RRN3: variants seen among roughly 807,000 people sequenced by gnomAD.
RRN3 encodes the protein RNA polymerase I transcription factor RRN3, also known as RNA polymerase I-specific transcription initiation factor RRN3.
A neutral mutation model predicts 82.3 loss-of-function variants in RRN3; 38 were observed. That is an observed-to-expected ratio of 0.46 (90% CI 0.36 to 0.61). The LOEUF (loss-of-function observed/expected upper bound fraction) is 0.61. RRN3 is among the 20% of genes least tolerant of loss of function. The probability of loss-of-function intolerance (pLI) is 0.00; values close to 1 mark genes in which losing one functional copy is unlikely to be tolerated. For missense variants in RRN3, 726 were observed against 793.1 expected, an observed-to-expected ratio of 0.92 and a Z score of 1.02; for synonymous variants, 284 against 284.3, an observed-to-expected ratio of 1.00 and a Z score of 0.01.
chr16:15,078,787 A>C, intron 9 of RRN3, among the ~76,000 whole-genome samples: 1 of 149,462 alleles, frequency 6.7e-6, no homozygotes, highest in African/African-American at 2.5e-5. Flanking sequence ...CTACTCTTCC[A>C]ACTGCCTCCT....
intron 8 of RRN3, among the ~76,000 whole-genome samples, chr16:15,082,318 ATGTGGTTTT>A (rs1317466126): frequency 6.6e-6 from 1 of 152,034 alleles, no homozygotes; most frequent in East Asian, 1.9e-4. Context: ...TGAGATGATT[ATGTGGTTTT>A]TGTCCTTTGT....
chr16:15,084,742 CA>C (rs1199342653), intron 6 of RRN3, 37 bp from the exon 7 acceptor site: 2 of 1,479,924 alleles, frequency 1.4e-6, no homozygotes, highest in Non-Finnish European at 1.9e-6. Context: ...AGCATCAAAA[CA>C]AAACTGAAGG....
In RRN3 at chr16:15,061,638, G is replaced by A. The variant is rs931593800; in HGVS notation, c.*106C>T. ...AGTGCCACAGCCGAGGCAGGCACTC[G>A]CTCTAGTTCAATGCCATCAATGCCC... On this transcript the variant is annotated 3_prime_UTR_variant, in exon 18 of 18. Coordinates refer to ENST00000198767, the MANE Select transcript of RRN3 (RefSeq NM_018427.5). The A allele has an allele frequency of 1.4e-5, 15 of 1,043,260 alleles. No homozygotes were observed. The highest frequency in any genetic ancestry group is 7.4e-5 in the East Asian group (3 of 40,448). 64.6% of individuals were successfully genotyped at this position (1,043,260 alleles called of 1,614,324 possible).
chr16:15,075,335 G>A (rs2045408321), intron 10 of RRN3, among the ~76,000 whole-genome samples: 1 of 151,538 alleles, frequency 6.6e-6, no homozygotes, highest in South Asian at 2.1e-4. Context: ...CACTTTGGGA[G>A]GCCAAGGCAG....
At chr16:15,065,968 G>A (rs1289782499) in intron 15 of RRN3, among the ~76,000 whole-genome samples, 1 of 152,364 alleles carries the variant, frequency 6.6e-6, no homozygotes, top group East Asian at 1.9e-4. Flanking sequence ...ATAAAATAAA[G>A]ACAATTATGT....
intron 9 of RRN3, among the ~76,000 whole-genome samples, chr16:15,077,371 T>TC (rs1396396097): frequency 1.3e-5 from 2 of 152,062 alleles, no homozygotes; most frequent in Admixed American, 1.3e-4. Flanking sequence ...AGGGTAGGTT[T>TC]CCCCCATACT....
Position 15,060,508 on chromosome 16 carries a change from TTAAA to T in RRN3, c.*1232_*1235del, listed in dbSNP as rs1267840291. On this transcript the variant is annotated 3_prime_UTR_variant, in exon 18 of 18. Transcript: ENST00000198767. ...ATGATCAAGAAAATATTGCTTGCCTTTAAATAAAGTGGCAGAAAATAAATATGCT... is the reference window on the plus strand; with the variant it reads ...ATGATCAAGAAAATATTGCTTGCCTTTAAAGTGGCAGAAAATAAATATGCT... The T allele has an allele frequency of 1.3e-5, 2 of 154,136 alleles. No homozygotes were observed. The highest frequency in any genetic ancestry group is 4.8e-5 in the African/African-American group (2 of 41,472). The allele number at this position is 154,136 out of a possible 1,614,324, so 9.5% of individuals were successfully genotyped here.
In RRN3 at chr16:15,092,537, A is replaced by G. The variant is rs2046176453; in HGVS notation, c.167T>C (p.Val56Ala). Reference protein sequence around the residue: ...PRKTVRFGGTVTEVLLKYKKG... With the variant: ...PRKTVRFGGTATEVLLKYKKG... ...TTTGTACTTCAGCAAGACTTCTGTC[A>G]CAGTTCCACCAAACCGAACAGTTTT... The change falls in exon 2 of 18, where the codon GTG (valine) becomes GCG (alanine). Residue 56 changes from valine to alanine, a missense_variant. By Grantham distance (64) the Val-to-Ala change is moderately conservative. This residue lies in a region of RRN3 where 135 missense variants were observed against 87.4 expected (regional missense o/e 1.55). Coordinates refer to ENST00000198767, the MANE Select transcript of RRN3 (RefSeq NM_018427.5). 6.2e-7 allele frequency: 1 copy of G among 1,613,192 alleles called. No individual in the cohort carries two copies. The highest frequency in any genetic ancestry group is 2.2e-5 in the East Asian group (1 of 44,868).
In RRN3 at chr16:15,080,073, T is replaced by C. The variant is rs1416665104; in HGVS notation, c.690A>G (p.Leu230=). The C allele has an allele frequency of 6.2e-7, 1 of 1,600,608 alleles. No homozygotes were observed. Reference sequence around the variant, plus strand: ...AGGTTGGAAAATATACACTAATCCTTAGTAAGTTATGAACGTAACATTCCT... The same window carrying C: ...AGGTTGGAAAATATACACTAATCCTCAGTAAGTTATGAACGTAACATTCCT... The part of the protein sequence containing the change: ...RTLECYVHNL[L]RISVYFPTLR... The change falls in exon 9 of 18, where the codon CTA becomes CTG. Residue 230 remains leucine, a synonymous_variant. Transcript: ENST00000198767.
chr16:15,092,694 T>A, intron 1 of RRN3, 80 bp from the exon 2 acceptor site: 2 of 952,284 alleles, frequency 2.1e-6, no homozygotes, highest in Non-Finnish European at 1.7e-6. Context: ...TGAACCAACA[T>A]AATTCAGTGG....
chr16:15,071,019 A>C (rs2045201864), intron 13 of RRN3, 102 bp downstream of exon 13: 3 of 1,055,326 alleles, frequency 2.8e-6, no homozygotes, highest in Admixed American at 2.4e-5. Context: ...ATTCACTTTA[A>C]AAACATGCCA....
At chr16:15,092,684 T>A (rs2046184649) in intron 1 of RRN3, 70 bp from the exon 2 acceptor site, 1 of 1,027,628 alleles carries the variant, frequency 9.7e-7, no homozygotes, top group Non-Finnish European at 1.5e-6. Context: ...CAACATTTAT[T>A]GAACCAACAT....
chr16:15,092,102 C>T (rs1237333874), intron 2 of RRN3, among the ~76,000 whole-genome samples: 1 of 152,150 alleles, frequency 6.6e-6, no homozygotes, highest in Admixed American at 6.5e-5. Flanking sequence ...TTGCTTGAAC[C>T]TGGGAGGTGG....
intron 12 of RRN3, among the ~76,000 whole-genome samples, chr16:15,072,640 T>C (rs945327561): frequency 3.9e-5 from 6 of 152,032 alleles, no homozygotes; most frequent in African/African-American, 9.7e-5. Flanking sequence ...CCACCTCTTC[T>C]AAAAATACAA....
intron 9 of RRN3, among the ~76,000 whole-genome samples, chr16:15,079,183 T>G (rs2045594885): frequency 6.6e-6 from 1 of 152,114 alleles, no homozygotes; most frequent in Non-Finnish European, 1.5e-5. Flanking sequence ...GTTGAAGGAT[T>G]CCTTTCCCTT....
chr16:15,062,266 G>T (rs1190205911), intron 17 of RRN3, among the ~76,000 whole-genome samples: 1 of 152,170 alleles, frequency 6.6e-6, no homozygotes, highest in Non-Finnish European at 1.5e-5. Flanking sequence ...CTTGCAAACA[G>T]ATTTGAAGCT....
At chr16:15,076,328 A>G (rs2045453253) in intron 10 of RRN3, 3 of 598,412 alleles carry the variant, frequency 5.0e-6, no homozygotes, top group East Asian at 5.5e-5. Context: ...AGTTACAAGA[A>G]CAAAAGTGAA....
chr16:15,061,983 G>GAAT, intron 17 of RRN3, 78 bp from the exon 18 acceptor site: 5 of 1,388,534 alleles, frequency 3.6e-6, no homozygotes, highest in Non-Finnish European at 5.0e-6. Context: ...CCTCAGGAAG[G>GAAT]TGTTAACGTT....
intron 16 of RRN3, among the ~76,000 whole-genome samples, chr16:15,064,096 T>C (rs1403923882): frequency 1.3e-5 from 2 of 152,196 alleles, no homozygotes; most frequent in African/African-American, 2.4e-5. Flanking sequence ...AAAATCCTGC[T>C]TCCTTATACA....
Sources: gnomAD v4.1 joint callset for allele counts (sites outside exome capture counted in the v4.1 genomes callset) on GRCh38, gnomAD v4.1.1 for gene constraint, gnomAD v4.1.1 regional missense constraint, MANE v1.5 for transcripts, NCBI Gene and HGNC (gene_info 2026-07-23, HGNC 2026-07-21) for gene names.